The following KCNJ6 variants were observed in gnomAD, a reference collection of about 807,000 sequenced individuals.
The protein encoded by KCNJ6 is G protein-activated inward rectifier potassium channel 2.
A neutral mutation model predicts 34.2 loss-of-function variants in KCNJ6; 9 were observed. That is an observed-to-expected ratio of 0.26 (90% CI 0.16 to 0.46). KCNJ6 has a LOEUF of 0.46. Ranked by LOEUF, KCNJ6 falls within the 20% of genes least tolerant of loss-of-function variation. KCNJ6 has a pLI of 1.00. For synonymous variants in KCNJ6, 196 were observed against 207.1 expected, an observed-to-expected ratio of 0.95 and a Z score of 0.46; for missense variants, 236 against 531.3, an observed-to-expected ratio of 0.44 and a Z score of 5.46.
Position 37,609,714 on chromosome 21 carries a change from T to C in KCNJ6, c.*15445A>G, listed in dbSNP as rs2054236070. Reference sequence around the variant, plus strand: ...AAGCTTTTTGCCTCCTTAATTATCCTGTCTGGTTTAGTTTTTGTTTTGTTT... The same window carrying C: ...AAGCTTTTTGCCTCCTTAATTATCCCGTCTGGTTTAGTTTTTGTTTTGTTT... On this transcript the variant is annotated 3_prime_UTR_variant, in exon 4 of 4. Coordinates refer to ENST00000609713, the MANE Select transcript of KCNJ6 (RefSeq NM_002240.5). 1 of 152,246 alleles carries C rather than the reference T, an allele frequency of 6.6e-6. No individual in the cohort carries two copies. The highest frequency in any genetic ancestry group is 2.1e-4 in the South Asian group (1 of 4,834). The allele number at this position is 152,246 out of a possible 1,614,324, so 9.4% of individuals were successfully genotyped here.
intron 1 of KCNJ6, among the ~76,000 whole-genome samples, chr21:37,863,862 T>TTC: frequency 7.0e-6 from 1 of 143,604 alleles, no homozygotes; most frequent in South Asian, 2.2e-4. Flanking sequence ...TTTTTTTTGT[T>TTC]TTTTTTTTTT....
chr21:37,737,166 C>T (rs752322672), intron 2 of KCNJ6, among the ~76,000 whole-genome samples: 1 of 152,140 alleles, frequency 6.6e-6, no homozygotes, highest in Non-Finnish European at 1.5e-5. Flanking sequence ...CATCAGTGCC[C>T]GATGGCAAGA....
intron 1 of KCNJ6, among the ~76,000 whole-genome samples, chr21:37,851,037 T>C (rs1253854198): frequency 6.6e-6 from 1 of 152,158 alleles, no homozygotes; most frequent in Non-Finnish European, 1.5e-5. Context: ...GGGAGGGCCG[T>C]GATCAAGTTT....
At chr21:37,899,924 G>A (rs1043214328) in intron 1 of KCNJ6, among the ~76,000 whole-genome samples, 1 of 152,156 alleles carries the variant, frequency 6.6e-6, no homozygotes, top group Non-Finnish European at 1.5e-5. Context: ...TTTACAACTC[G>A]CCCAGTTCGT....
At chr21:37,897,605 A>C (rs2055795247) in intron 1 of KCNJ6, among the ~76,000 whole-genome samples, 1 of 151,172 alleles carries the variant, frequency 6.6e-6, no homozygotes, top group African/African-American at 2.4e-5. Flanking sequence ...CTTTCTTCAC[A>C]CTCTCTCCCT....
intron 2 of KCNJ6, among the ~76,000 whole-genome samples, chr21:37,774,554 T>C (rs182595499): frequency 2.7e-3 from 390 of 142,820 alleles, no homozygotes; most frequent in Non-Finnish European, 4.7e-3. Flanking sequence ...CCTGTGTCCA[T>C]GTGTTCTCAT....
intron 3 of KCNJ6, among the ~76,000 whole-genome samples, chr21:37,711,607 T>C (rs899767953): frequency 1.3e-5 from 2 of 152,186 alleles, no homozygotes; most frequent in African/African-American, 2.4e-5. Context: ...TTTTGAGAGA[T>C]TGAAGCATTT....
intron 3 of KCNJ6, among the ~76,000 whole-genome samples, chr21:37,687,561 G>A (rs1174068456): frequency 6.6e-6 from 1 of 152,098 alleles, no homozygotes; most frequent in East Asian, 1.9e-4. Context: ...ACGTGTTTGG[G>A]CTTTTTTTCT....
intron 3 of KCNJ6, among the ~76,000 whole-genome samples, chr21:37,650,550 G>A (rs960701265): frequency 1.3e-5 from 2 of 152,094 alleles, no homozygotes; most frequent in Non-Finnish European, 2.9e-5. Context: ...CCTGGACTAC[G>A]CTTCCTCTCC....
intron 1 of KCNJ6, among the ~76,000 whole-genome samples, chr21:37,878,528 T>C (rs2055690455): frequency 6.6e-6 from 1 of 152,228 alleles, no homozygotes; most frequent in Non-Finnish European, 1.5e-5. Flanking sequence ...ACCAGCCTCC[T>C]GTTACCAAGT....
chr21:37,732,058 G>A (rs953406437), intron 2 of KCNJ6, among the ~76,000 whole-genome samples: 3 of 152,228 alleles, frequency 2.0e-5, no homozygotes, highest in Admixed American at 2.0e-4. Context: ...GCGTGGCTGG[G>A]GAAAACAAGC....
At chr21:37,850,635 G>T (rs760558551) in intron 1 of KCNJ6, among the ~76,000 whole-genome samples, 1 of 152,058 alleles carries the variant, frequency 6.6e-6, no homozygotes, top group Non-Finnish European at 1.5e-5. Flanking sequence ...AAGGTTGGAG[G>T]CTGCTGATTT....
At chr21:37,848,794 A>G (rs904370195) in intron 1 of KCNJ6, among the ~76,000 whole-genome samples, 3 of 152,184 alleles carry the variant, frequency 2.0e-5, no homozygotes, top group Non-Finnish European at 4.4e-5. Context: ...GGTAGCAGAG[A>G]TAAGAGTAAG....
intron 3 of KCNJ6, among the ~76,000 whole-genome samples, chr21:37,709,717 G>A (rs1385544795): frequency 6.6e-6 from 1 of 152,148 alleles, no homozygotes; most frequent in Non-Finnish European, 1.5e-5. Context: ...GTCTTGTTGA[G>A]GTTCCATTTC....
At chr21:37,716,742 A>C (rs192295931) in intron 2 of KCNJ6, among the ~76,000 whole-genome samples, 4 of 152,322 alleles carry the variant, frequency 2.6e-5, no homozygotes, top group Non-Finnish European at 4.4e-5. Flanking sequence ...TTAATAATGC[A>C]TTAGGAAAGC....
chr21:37,875,629 C>T (rs7282908), intron 1 of KCNJ6, among the ~76,000 whole-genome samples: 43,865 of 152,104 alleles, frequency 0.29, 6,628 homozygotes, highest in Middle Eastern at 0.42. Flanking sequence ...TATTGCTGGC[C>T]TCACACTTCA....
chr21:37,648,536 T>C (rs570658131), intron 3 of KCNJ6, among the ~76,000 whole-genome samples: 1 of 152,314 alleles, frequency 6.6e-6, no homozygotes, highest in East Asian at 1.9e-4. Context: ...CCAGAATAGA[T>C]TATTTCCTTT....
At chr21:37,879,723 G>GTGTA (rs1201399777) in intron 1 of KCNJ6, among the ~76,000 whole-genome samples, 16 of 56,652 alleles carry the variant, frequency 2.8e-4, no homozygotes, top group African/African-American at 7.8e-4. Flanking sequence ...AAGTGTGTGT[G>GTGTA]TGTGTGTGTG....
intron 3 of KCNJ6, among the ~76,000 whole-genome samples, chr21:37,635,156 C>T (rs2054351864): frequency 6.6e-6 from 1 of 152,064 alleles, no homozygotes; most frequent in African/African-American, 2.4e-5. Context: ...TAATGGTTAG[C>T]AGTGTTCTAG....
Sources: gnomAD v4.1 joint callset for allele counts (sites outside exome capture counted in the v4.1 genomes callset) on GRCh38, gnomAD v4.1.1 for gene constraint, MANE v1.5 for transcripts, NCBI Gene and HGNC (gene_info 2026-07-23, HGNC 2026-07-21) for gene names.